NIBAN2: variants seen among roughly 807,000 people sequenced by gnomAD.
The protein encoded by NIBAN2 is niban apoptosis regulator 2.
In NIBAN2, 36 loss-of-function variants were observed where a neutral mutation model predicts 81.8. That is an observed-to-expected ratio of 0.44 (90% confidence interval 0.34 to 0.58). NIBAN2 has a LOEUF of 0.58. NIBAN2 is among the 20% of genes least tolerant of loss of function. The probability of loss-of-function intolerance (pLI) is 0.02; values close to 1 mark genes in which losing one functional copy is unlikely to be tolerated. For synonymous variants in NIBAN2, 445 were observed against 441.6 expected (o/e 1.01, Z -0.10); for missense variants, 897 against 1,014.1 (o/e 0.88, Z 1.57).
intron 1 of NIBAN2, among the ~76,000 whole-genome samples, chr9:127,554,615 C>T (rs12350007): frequency 1.6e-5 from 2 of 126,338 alleles, no homozygotes; most frequent in Non-Finnish European, 3.1e-5. Context: ...GGCTGGAGTG[C>T]TATGGCACGA....
Position 127,545,663 on chromosome 9 carries a change from T to C in NIBAN2, c.56-13885A>G, listed in dbSNP as rs1339440764. Among the ~76,000 whole-genome samples the C allele has an allele frequency of 3.3e-5, 5 of 150,908 alleles. No individual in the cohort carries two copies. The highest frequency in any genetic ancestry group is 1.2e-4 in the African/African-American group (5 of 40,952). ...CAGGGCTGGGCCACAACAGGTCTGG[T>C]GGGGAAGGGTGAGCTTTGAGGCAGG... On this transcript the variant is annotated intron_variant, in intron 1 of 13. Transcript: ENST00000373312. This position sits in a 1 kb window ranked among gnomAD's most constrained non-coding sequence, Gnocchi z 4.7.
intron 5 of NIBAN2, among the ~76,000 whole-genome samples, chr9:127,520,666 A>G (rs997945126): frequency 1.3e-5 from 2 of 152,170 alleles, no homozygotes; most frequent in African/African-American, 4.8e-5. Flanking sequence ...CTGTAATCCC[A>G]GCACTTTGGG....
intron 1 of NIBAN2, among the ~76,000 whole-genome samples, chr9:127,543,377 G>T (rs1837416576): frequency 6.6e-6 from 1 of 152,176 alleles, no homozygotes; most frequent in South Asian, 2.1e-4. Context: ...CCAGGGCCTT[G>T]TCCCAGGTCA....
intron 2 of NIBAN2, among the ~76,000 whole-genome samples, chr9:127,529,676 A>T (rs1015174059): frequency 6.6e-6 from 1 of 151,936 alleles, no homozygotes; most frequent in Non-Finnish European, 1.5e-5. Context: ...CTGTTTTATT[A>T]TTCTTATTTC....
At chr9:127,533,581 C>G (rs1305119222) in intron 1 of NIBAN2, among the ~76,000 whole-genome samples, 1 of 152,210 alleles carries the variant, frequency 6.6e-6, no homozygotes, top group East Asian at 1.9e-4. Context: ...CTGCAGCGAG[C>G]TATGATCGTG....
In NIBAN2 at chr9:127,524,893, G is replaced by C. The variant is rs1201895777; in HGVS notation, c.421+165C>G. 4 of 595,780 alleles carry C rather than the reference G, an allele frequency of 6.7e-6. No individual in the cohort carries two copies. The East Asian group carries it at 1.1e-4, about 17-fold the overall frequency. The allele number at this position is 595,780 out of a possible 1,614,324, so 36.9% of individuals were successfully genotyped here. A position where few individuals can be genotyped will look rare whatever the true frequency, so the allele number is the denominator to read the frequency against. ...CTTCCAGGAGGCTCTCAAGGACTTA[G>C]GGAGATGCGAAAGGCAAACAATGAG... On this transcript the variant is annotated intron_variant, in intron 4 of 13. Coordinates refer to ENST00000373312, the MANE Select transcript of NIBAN2 (RefSeq NM_022833.4).
rs1836981679 is a variant in NIBAN2, at chr9:127,523,188, AAAAAATATATATATATATATATAT to A, written c.589+467_589+490del. ...TGGTTTTAAAAAAAAAAAAAAAAAA[AAAAAATATATATATATATATATAT>A]ATATATATATATATATATATATATA... On this transcript the variant is annotated intron_variant, in intron 5 of 13. Transcript: ENST00000373312. Among the ~76,000 whole-genome samples, 3 of 29,372 alleles carry A rather than the reference AAAAAATATATATATATATATATAT, an allele frequency of 1.0e-4. 1 individual carries two copies. The highest frequency in any genetic ancestry group is 1.1e-3 in the East Asian group (1 of 916). The allele number at this position is 29,372 out of a possible 152,430, so 19.3% of individuals were successfully genotyped here. A position where few individuals can be genotyped will look rare whatever the true frequency, so the allele number is the denominator to read the frequency against.
rs529266916 is a variant in NIBAN2 at position 127,507,922 on chromosome 9, C to T, written c.1599G>A (p.Val533=). The T allele has an allele frequency of 1.1e-5, 17 of 1,614,212 alleles. No homozygotes were observed. The East Asian group carries it at 3.8e-4, about 36-fold the overall frequency. The stretch of plus-strand genomic sequence containing the variant: ...GCACCACCTCCTCGTACGTGTTTTC[C>T]ACCAGGATGAACCTGGCAAAGTCCT... ...IFEDFARFIL[V]ENTYEEVVLQ... The change falls in exon 13 of 14, where the codon GTG becomes GTA. Residue 533 remains valine (V), a synonymous_variant. Transcript: ENST00000373312. This position sits in a 1 kb window ranked among gnomAD's most constrained non-coding sequence, Gnocchi z 6.8.
At chr9:127,565,074 A>C (rs2249447) in intron 1 of NIBAN2, among the ~76,000 whole-genome samples, 40,757 of 151,786 alleles carry the variant, frequency 0.27, 5,638 homozygotes, top group East Asian at 0.29. Flanking sequence ...AATCCTTCCA[A>C]CTCAGCCTCC....
intron 1 of NIBAN2, among the ~76,000 whole-genome samples, chr9:127,556,916 T>C (rs746476456): frequency 2.0e-5 from 3 of 152,008 alleles, no homozygotes; most frequent in Non-Finnish European, 4.4e-5. Context: ...CTATACAAAA[T>C]ATAAAAATAA....
chr9:127,526,699 G>A (rs1342546491), intron 3 of NIBAN2, among the ~76,000 whole-genome samples: 3 of 152,164 alleles, frequency 2.0e-5, no homozygotes, highest in Non-Finnish European at 2.9e-5. Flanking sequence ...GAGGGCTCAG[G>A]GAAAAGATAA....
chr9:127,525,840 C>G (rs1221843472), intron 3 of NIBAN2, among the ~76,000 whole-genome samples: 1 of 152,166 alleles, frequency 6.6e-6, no homozygotes, highest in Non-Finnish European at 1.5e-5. Context: ...GGTATTTGAC[C>G]ATTACCCTGA....
intron 1 of NIBAN2, among the ~76,000 whole-genome samples, chr9:127,552,466 A>T (rs1410871275): frequency 6.6e-6 from 1 of 152,080 alleles, no homozygotes; most frequent in Non-Finnish European, 1.5e-5. Flanking sequence ...AGTCCCAGCT[A>T]CTTGGGAGGT....
At chr9:127,528,244 C>A (rs1031587898) in intron 2 of NIBAN2, among the ~76,000 whole-genome samples, 1 of 152,088 alleles carries the variant, frequency 6.6e-6, no homozygotes, top group Non-Finnish European at 1.5e-5. Flanking sequence ...GGGGCCCAAG[C>A]GAAGCTATGG....
intron 1 of NIBAN2, among the ~76,000 whole-genome samples, chr9:127,537,565 G>A (rs1174478946): frequency 1.3e-5 from 2 of 152,178 alleles, no homozygotes; most frequent in African/African-American, 4.8e-5. Flanking sequence ...GCGTTTGATG[G>A]GGGGTCCTGC....
intron 1 of NIBAN2, among the ~76,000 whole-genome samples, chr9:127,548,080 C>G (rs1837507194): frequency 6.6e-6 from 1 of 152,122 alleles, no homozygotes; most frequent in Non-Finnish European, 1.5e-5. Flanking sequence ...GTTCTCTGTC[C>G]CATGTTTCAC....
In NIBAN2 at chr9:127,507,989, G is replaced by C. The variant is rs1157001702; in HGVS notation, c.1543-11C>G. On this transcript the variant is annotated splice_polypyrimidine_tract_variant and intron_variant, in intron 12 of 13. Coordinates refer to ENST00000373312, the MANE Select transcript of NIBAN2 (RefSeq NM_022833.4). This position sits in a 1 kb window ranked among gnomAD's most constrained non-coding sequence, Gnocchi z 6.8. ...GAACCGGGGCAGCTCCTGCCCGGGT[G>C]GGGCGGCAGAGATGAGAGGTCAGGG... The C allele has an allele frequency of 6.2e-7, 1 of 1,613,720 alleles. No individual in the cohort carries two copies. The highest frequency in any genetic ancestry group is 1.7e-5 in the Admixed American group (1 of 60,028).
intron 1 of NIBAN2, among the ~76,000 whole-genome samples, chr9:127,537,521 G>C (rs1373677188): frequency 6.6e-6 from 1 of 152,208 alleles, no homozygotes. Flanking sequence ...AAAGATCACA[G>C]ATGCGGGGAA....
Position 127,505,401 on chromosome 9 carries a change from T to C in NIBAN2, c.*1444A>G, listed in dbSNP as rs1262122021. On this transcript the variant is annotated 3_prime_UTR_variant, in exon 14 of 14. Coordinates refer to ENST00000373312, the MANE Select transcript of NIBAN2 (RefSeq NM_022833.4). ...TGAACAGTGTGCATAATATTTTCAA[T>C]ACAATATCAGGGAGGGATGATGGGA... 6.6e-6 allele frequency: 1 copy of C among 152,572 alleles called. No homozygotes were observed. Among genetic ancestry groups the C allele is most frequent in the African/African-American group, 2.4e-5 (1 of 41,410 alleles). 9.5% of individuals were successfully genotyped at this position (152,572 alleles called of 1,614,324 possible).
Sources: allele counts gnomAD v4.1 joint callset (sites outside exome capture counted in the v4.1 genomes callset), GRCh38; gene constraint gnomAD v4.1.1; non-coding constraint Gnocchi (gnomAD v3.1); transcripts MANE v1.5; gene names NCBI Gene and HGNC (gene_info 2026-07-23, HGNC 2026-07-21).